Variants in LDAH observed in about 807,000 individuals in gnomAD.
The protein encoded by LDAH is lipid droplet-associated hydrolase.
In LDAH, 26 loss-of-function variants were observed where a neutral mutation model predicts 29.6. That is an observed-to-expected ratio of 0.88 (90% CI 0.64 to 1.22). The LOEUF (loss-of-function observed/expected upper bound fraction) is 1.22. Among genes scored for constraint, LDAH ranks in the 50% most tolerant of loss-of-function variants. The pLI is 0.00. For missense variants in LDAH, 344 were observed against 387.3 expected (o/e 0.89, Z 0.94); for synonymous variants, 117 against 133.0 (o/e 0.88, Z 0.83).
chr2:20,791,687 A>G (rs1001364639), intron 2 of LDAH, among the ~76,000 whole-genome samples: 2 of 152,232 alleles, frequency 1.3e-5, no homozygotes, highest in African/African-American at 4.8e-5. Flanking sequence ...ATACCAGCAC[A>G]GGGGCTATAA....
rs1558399363 is a variant in LDAH, at chr2:20,710,641, TAG to T, written c.704-8991_704-8990del. On this transcript the variant is annotated intron_variant, in intron 5 of 6. Coordinates refer to ENST00000237822, the MANE Select transcript of LDAH (RefSeq NM_021925.4). ...ATATAGATATATATATATAGATATA[TAG>T]TATACATATATATACACATATATAT... is the stretch of plus-strand genomic sequence containing the variant. Among the ~76,000 whole-genome samples, 15 of 89,882 alleles carry T rather than the reference TAG, an allele frequency of 1.7e-4. No homozygotes were observed. In the South Asian group the frequency reaches 5.5e-3, roughly 33 times the overall value. 59.0% of individuals were successfully genotyped at this position (89,882 alleles called of 152,430 possible). A position where few individuals can be genotyped will look rare whatever the true frequency, so the allele number is the denominator to read the frequency against.
At position 20,685,931 on chromosome 2, in the gene LDAH, G is replaced by T; in HGVS notation, c.*972C>A. 1 of 309,008 alleles carries T rather than the reference G, an allele frequency of 3.2e-6. No homozygotes were observed. 19.1% of individuals were successfully genotyped at this position (309,008 alleles called of 1,614,324 possible). A position where few individuals can be genotyped will look rare whatever the true frequency, so the allele number is the denominator to read the frequency against. On this transcript the variant is annotated 3_prime_UTR_variant, in exon 7 of 7. Transcript: ENST00000237822. ...ATGTATGGCAATGTTTTACTGAGCA[G>T]TTTAAAAGAAGCTTTTAAAAATTAT...
chr2:20,694,409 C>T (rs16987997), intron 6 of LDAH, among the ~76,000 whole-genome samples: 9,169 of 152,210 alleles, frequency 0.06, 373 homozygotes, highest in East Asian at 0.13. Flanking sequence ...AATCTTATCC[C>T]TGTTGGGGAC....
At chr2:20,785,707 A>C (rs1670497637) in intron 3 of LDAH, among the ~76,000 whole-genome samples, 1 of 152,108 alleles carries the variant, frequency 6.6e-6, no homozygotes, top group Non-Finnish European at 1.5e-5. Flanking sequence ...TACTTTTATA[A>C]ATTATTTTTT....
At chr2:20,761,737 T>C (rs1300023133) in intron 4 of LDAH, among the ~76,000 whole-genome samples, 1 of 152,040 alleles carries the variant, frequency 6.6e-6, no homozygotes, top group East Asian at 1.9e-4. Flanking sequence ...ATCCCCCCCA[T>C]TACATAATAT....
Position 20,730,295 on chromosome 2 carries a change from G to A in LDAH, c.703+9676C>T, listed in dbSNP as rs138949825. ...AACATTCATATACAGGTTTTTCTCT[G>A]AACACCAGTTTTCACATATCAGGGA... On this transcript the variant is annotated intron_variant, in intron 5 of 6. Coordinates refer to ENST00000237822, the MANE Select transcript of LDAH (RefSeq NM_021925.4). Among the ~76,000 whole-genome samples, 247 of 152,176 alleles carry A rather than the reference G, an allele frequency of 1.6e-3. 1 individual carries two copies. The highest frequency in any genetic ancestry group is 5.8e-3 in the African/African-American group (241 of 41,502).
intron 4 of LDAH, among the ~76,000 whole-genome samples, chr2:20,746,661 T>G (rs1667589486): frequency 6.6e-6 from 1 of 151,968 alleles, no homozygotes; most frequent in African/African-American, 2.4e-5. Flanking sequence ...TAATAAAAAT[T>G]TTTCATTCTT....
chr2:20,738,184 G>A (rs111768779), intron 5 of LDAH, among the ~76,000 whole-genome samples: 4,365 of 150,844 alleles, frequency 0.029, 224 homozygotes, highest in African/African-American at 0.1. Flanking sequence ...CCTGGGAAGC[G>A]GAGGTTGCAG....
intron 5 of LDAH, among the ~76,000 whole-genome samples, chr2:20,702,897 A>C (rs1664046716): frequency 6.6e-6 from 1 of 152,174 alleles, no homozygotes; most frequent in Non-Finnish European, 1.5e-5. Context: ...CAATGGCACG[A>C]TCGTGGCTCA....
chr2:20,734,198 T>A (rs989974720), intron 5 of LDAH, among the ~76,000 whole-genome samples: 1 of 152,202 alleles, frequency 6.6e-6, no homozygotes, highest in African/African-American at 2.4e-5. Context: ...CTTATATTGT[T>A]ATATTTAAAC....
At chr2:20,778,190 A>G (rs953799849) in intron 3 of LDAH, among the ~76,000 whole-genome samples, 7 of 152,172 alleles carry the variant, frequency 4.6e-5, no homozygotes, top group Admixed American at 1.3e-4. Context: ...CTGCCTTGAG[A>G]TGCTGTTAAT....
chr2:20,749,606 C>T (rs557401031), intron 4 of LDAH, among the ~76,000 whole-genome samples: 11 of 152,290 alleles, frequency 7.2e-5, no homozygotes, highest in South Asian at 6.2e-4. Flanking sequence ...ACACTCTCAG[C>T]GTCTAGGAAG....
chr2:20,815,100 AAAGT>A (rs1313286393), intron 1 of LDAH, among the ~76,000 whole-genome samples: 1 of 152,176 alleles, frequency 6.6e-6, no homozygotes, highest in African/African-American at 2.4e-5. Context: ...AATGTTTTAA[AAAGT>A]AAGAACCAAA....
intron 2 of LDAH, among the ~76,000 whole-genome samples, chr2:20,794,482 G>C (rs938532162): frequency 6.6e-6 from 1 of 152,058 alleles, no homozygotes; most frequent in South Asian, 2.1e-4. Flanking sequence ...CGTGAACAAA[G>C]ATGGAAAAAT....
In LDAH at chr2:20,801,313, G is replaced by A. The variant is rs762026693; in HGVS notation, c.151C>T (p.Pro51Ser). Residue 51 changes from proline (P) to serine (S), a missense_variant, in exon 2 of 7, where the codon CCT (proline) becomes TCT (serine). Pro to Ser is a moderately conservative substitution (Grantham distance 74). Coordinates refer to ENST00000237822, the MANE Select transcript of LDAH (RefSeq NM_021925.4). The part of the protein sequence containing the change: ...KRPKLLIFII[P>S]GNPGFSAFYV... The stretch of plus-strand genomic sequence containing the variant: ...TCACCCAGACTTTTACGCTCACCAG[G>A]AATAATGAAAATAAGCAGCTTAGGC... 1.2e-6 allele frequency: 2 copies of A among 1,613,032 alleles called. No homozygotes were observed. The highest frequency in any genetic ancestry group is 1.3e-5 in the African/African-American group (1 of 74,832).
At chr2:20,771,148 G>C (rs1376732248) in intron 4 of LDAH, among the ~76,000 whole-genome samples, 2 of 152,026 alleles carry the variant, frequency 1.3e-5, no homozygotes, top group African/African-American at 2.4e-5. Context: ...TTTTTTTAAA[G>C]GGGCAACTTT....
chr2:20,782,098 T>TGAAAATGTGGTCCC (rs1442292650), intron 3 of LDAH, among the ~76,000 whole-genome samples: 2 of 152,194 alleles, frequency 1.3e-5, no homozygotes, highest in African/African-American at 2.4e-5. Flanking sequence ...GCAGTGGTTC[T>TGAAAATGTGGTCCC]GAAAATGTGG....
At chr2:20,721,879 T>C (rs1337586887) in intron 5 of LDAH, among the ~76,000 whole-genome samples, 1 of 152,216 alleles carries the variant, frequency 6.6e-6, no homozygotes. Flanking sequence ...CCCAAGATAC[T>C]AATGAATCTA....
At chr2:20,788,975 C>A in intron 3 of LDAH, 1 of 676,086 alleles carries the variant, frequency 1.5e-6, no homozygotes, top group Non-Finnish European at 2.4e-6. Context: ...AGAAACCTTC[C>A]AGCATGGAGT....
Sources: allele counts gnomAD v4.1 joint callset (sites outside exome capture counted in the v4.1 genomes callset), GRCh38; gene constraint gnomAD v4.1.1; transcripts MANE v1.5; gene names NCBI Gene and HGNC (gene_info 2026-07-23, HGNC 2026-07-21).